MGMT: variants seen among roughly 807,000 people sequenced by gnomAD.
The protein encoded by MGMT is O-6-methylguanine-DNA methyltransferase.
In MGMT, 14 loss-of-function variants were observed where a neutral mutation model predicts 15.9. The observed-to-expected ratio is 0.88, with a 90% CI of 0.58 to 1.37. The LOEUF (loss-of-function observed/expected upper bound fraction) is 1.37. Ranked by LOEUF, MGMT falls within the 40% of genes most tolerant of loss-of-function variation. The pLI is 0.00. For missense variants in MGMT, 282 were observed against 268.1 expected (o/e 1.05, Z -0.36); for synonymous variants, 130 against 118.2 (o/e 1.10, Z -0.65).
At chr10:129,596,386 C>CTTT (rs1846751661) in intron 2 of MGMT, among the ~76,000 whole-genome samples, 1 of 152,186 alleles carries the variant, frequency 6.6e-6, no homozygotes, top group Non-Finnish European at 1.5e-5. Context: ...ACAGTGAAAT[C>CTTT]TAAGCAAACC....
chr10:129,730,379 C>G (rs1442512389), intron 3 of MGMT, among the ~76,000 whole-genome samples: 1 of 152,154 alleles, frequency 6.6e-6, no homozygotes, highest in East Asian at 1.9e-4. Context: ...TTTCTACTTT[C>G]ATGTTGTTCG....
intron 2 of MGMT, among the ~76,000 whole-genome samples, chr10:129,690,576 TG>T (rs71035601): frequency 2.4e-4 from 36 of 152,278 alleles, no homozygotes; most frequent in Non-Finnish European, 5.0e-4. Context: ...GAGGGGAGGC[TG>T]GGCTGCACGC....
intron 2 of MGMT, among the ~76,000 whole-genome samples, chr10:129,693,054 C>G (rs10829619): frequency 0.38 from 58,297 of 152,114 alleles, 11,948 homozygotes; most frequent in Non-Finnish European, 0.46. Context: ...AGTATTAACA[C>G]ATGGTAGAAA....
At chr10:129,569,934 G>C (rs1032525251) in intron 2 of MGMT, among the ~76,000 whole-genome samples, 5 of 152,238 alleles carry the variant, frequency 3.3e-5, no homozygotes, top group Non-Finnish European at 1.5e-5. Flanking sequence ...ATTTTATCAG[G>C]AGAATTTTGT....
chr10:129,616,534 T>C (rs1847029880), intron 2 of MGMT, among the ~76,000 whole-genome samples: 1 of 152,148 alleles, frequency 6.6e-6, no homozygotes, highest in South Asian at 2.1e-4. Context: ...AGGCCCCCCA[T>C]TGGCCGGCCA....
chr10:129,602,990 T>C (rs1846842559), intron 2 of MGMT, among the ~76,000 whole-genome samples: 1 of 152,242 alleles, frequency 6.6e-6, no homozygotes, highest in African/African-American at 2.4e-5. Flanking sequence ...ATTTTAAATC[T>C]TCAGGCAACT....
At chr10:129,581,110 G>T (rs1846550153) in intron 2 of MGMT, among the ~76,000 whole-genome samples, 1 of 152,200 alleles carries the variant, frequency 6.6e-6, no homozygotes, top group Non-Finnish European at 1.5e-5. Context: ...CAGCTGCGTT[G>T]GTGGATAATT....
intron 3 of MGMT, among the ~76,000 whole-genome samples, chr10:129,708,684 C>G (rs1053306857): frequency 1.3e-5 from 2 of 152,142 alleles, no homozygotes; most frequent in East Asian, 1.9e-4. Flanking sequence ...TAAAATCATT[C>G]CAGACACATG....
intron 4 of MGMT, among the ~76,000 whole-genome samples, chr10:129,765,138 C>T (rs759923268): frequency 6.6e-6 from 1 of 152,080 alleles, no homozygotes; most frequent in Non-Finnish European, 1.5e-5. Flanking sequence ...GGCATGTCCC[C>T]CCACACGTCC....
chr10:129,733,502 T>G (rs963135181), intron 3 of MGMT, among the ~76,000 whole-genome samples: 12 of 149,226 alleles, frequency 8.0e-5, no homozygotes, highest in Non-Finnish European at 1.8e-4. Flanking sequence ...TCTCCCATTT[T>G]GTAGGTTGCC....
intron 1 of MGMT, among the ~76,000 whole-genome samples, chr10:129,488,367 C>T (rs542744437): frequency 2.1e-4 from 32 of 151,978 alleles, no homozygotes; most frequent in African/African-American, 6.8e-4. Flanking sequence ...TCATCTTTTG[C>T]GAAATGCCTG....
Position 129,536,231 on chromosome 10 carries a change from TTC to T in MGMT, c.-12-8_-12-7del, listed in dbSNP as rs778131610. The T allele has an allele frequency of 1.1e-5, 17 of 1,613,458 alleles. No individual in the cohort carries two copies. The Admixed American group carries it at 1.8e-4, about 17-fold the overall frequency. On this transcript the variant is annotated splice_region_variant and splice_polypyrimidine_tract_variant and intron_variant, in intron 1 of 4. Coordinates refer to ENST00000651593, the MANE Select transcript of MGMT (RefSeq NM_002412.5). ...CTATACACTTTGTCTTAAAAATTAT[TTC>T]TGTTTAGGTACTTGGAAAAATGGAC...
At chr10:129,468,275 T>A (rs1845193012) in intron 1 of MGMT, among the ~76,000 whole-genome samples, 2 of 152,090 alleles carry the variant, frequency 1.3e-5, no homozygotes, top group African/African-American at 4.8e-5. Context: ...AACAAGATTT[T>A]AAAAACCCAA....
chr10:129,706,446 A>C (rs1211916829), intron 2 of MGMT, among the ~76,000 whole-genome samples: 1 of 152,228 alleles, frequency 6.6e-6, no homozygotes, highest in Non-Finnish European at 1.5e-5. Flanking sequence ...CAGCCCAGGA[A>C]GGAAGGGTGA....
chr10:129,548,245 A>G (rs1179832740), intron 2 of MGMT, among the ~76,000 whole-genome samples: 1 of 152,246 alleles, frequency 6.6e-6, no homozygotes, highest in Non-Finnish European at 1.5e-5. Flanking sequence ...TGTACATTAT[A>G]AGACATTCTA....
At chr10:129,688,067 T>G (rs534950855) in intron 2 of MGMT, among the ~76,000 whole-genome samples, 4 of 152,260 alleles carry the variant, frequency 2.6e-5, no homozygotes, top group African/African-American at 9.6e-5. Flanking sequence ...ATGGTGTATA[T>G]GTGCCACATT....
chr10:129,525,915 C>G (rs537526666), intron 1 of MGMT, among the ~76,000 whole-genome samples: 1 of 152,318 alleles, frequency 6.6e-6, no homozygotes, highest in East Asian at 1.9e-4. Flanking sequence ...TTTGGGGTGG[C>G]GTTTGGGAAC....
chr10:129,722,441 C>T (rs1848382887), intron 3 of MGMT, among the ~76,000 whole-genome samples: 1 of 151,896 alleles, frequency 6.6e-6, no homozygotes, highest in Admixed American at 6.6e-5. Context: ...GGAGAGGTCA[C>T]ATCTACACAA....
In MGMT at chr10:129,532,546, G is replaced by T. The variant is rs963102603; in HGVS notation, c.-12-3695G>T. Among the ~76,000 whole-genome samples the T allele has an allele frequency of 6.6e-6, 1 of 152,002 alleles. No homozygotes were observed. The highest frequency in any genetic ancestry group is 1.5e-5 in the Non-Finnish European group (1 of 67,990). On this transcript the variant is annotated intron_variant, in intron 1 of 4. Transcript: ENST00000651593. This position sits in a 1 kb window ranked among gnomAD's most constrained non-coding sequence, Gnocchi z 5.3. The stretch of plus-strand genomic sequence containing the variant: ...GGGTGGGGGACACCCCATCCCCCAT[G>T]CCCCTACTTCAGCTTGCTGGGATTC...
Sources: allele counts gnomAD v4.1 joint callset (sites outside exome capture counted in the v4.1 genomes callset), GRCh38; gene constraint gnomAD v4.1.1; non-coding constraint Gnocchi (gnomAD v3.1); transcripts MANE v1.5; gene names NCBI Gene and HGNC (gene_info 2026-07-23, HGNC 2026-07-21).